FNIP2: variants seen among roughly 807,000 people sequenced by gnomAD.
The protein encoded by FNIP2 is folliculin-interacting protein 2.
Under a neutral mutation model 108.7 loss-of-function variants are expected in FNIP2, and 32 were observed. The ratio of observed to expected loss-of-function variants is 0.29; its 90% CI spans 0.22 to 0.40. FNIP2 has a LOEUF of 0.40. FNIP2 is among the 10% of genes least tolerant of loss of function. The pLI is 1.00. For synonymous variants in FNIP2, 480 were observed against 496.7 expected (o/e 0.97, Z 0.45); for missense variants, 1,202 against 1,381.6 (o/e 0.87, Z 2.06).
intron 1 of FNIP2, among the ~76,000 whole-genome samples, chr4:158,800,285 C>A (rs1381676329): frequency 6.6e-6 from 1 of 152,144 alleles, no homozygotes; most frequent in African/African-American, 2.4e-5. Flanking sequence ...CTTGATACTA[C>A]ACAAAGTTTC....
chr4:158,891,734 T>G (rs899799877), intron 15 of FNIP2, 88 bp downstream of exon 15: 1 of 1,261,720 alleles, frequency 7.9e-7, no homozygotes, highest in South Asian at 1.4e-5. Context: ...AATTCAAAAG[T>G]ACTGTTTTAA....
At chr4:158,823,990 G>A (rs1029395120) in intron 1 of FNIP2, among the ~76,000 whole-genome samples, 2 of 152,182 alleles carry the variant, frequency 1.3e-5, no homozygotes, top group Non-Finnish European at 2.9e-5. Context: ...TTGAAAGAAG[G>A]TACAACCAGA....
chr4:158,811,190 C>T (rs1189560843), intron 1 of FNIP2, among the ~76,000 whole-genome samples: 1 of 152,158 alleles, frequency 6.6e-6, no homozygotes, highest in Non-Finnish European at 1.5e-5. Flanking sequence ...ATCAGGTGTA[C>T]ACCCATCCAT....
At chr4:158,904,444 C>A in intron 16 of FNIP2, 22 bp from the exon 17 acceptor site, 1 of 1,586,440 alleles carries the variant, frequency 6.3e-7, no homozygotes. Context: ...AAGTAATATT[C>A]TTTTCTTTTC....
intron 14 of FNIP2, chr4:158,871,977 A>C (rs1780978754): frequency 1.0e-6 from 1 of 983,764 alleles, no homozygotes; most frequent in South Asian, 4.7e-5. Context: ...CCTATTGTTT[A>C]TATTCACACA....
chr4:158,774,983 A>C (rs1013900650), intron 1 of FNIP2, among the ~76,000 whole-genome samples: 1 of 152,242 alleles, frequency 6.6e-6, no homozygotes, highest in Non-Finnish European at 1.5e-5. Context: ...TGCATGGAGT[A>C]TATAGCTCCA....
intron 2 of FNIP2, among the ~76,000 whole-genome samples, chr4:158,826,501 AG>A (rs1778163990): frequency 6.6e-6 from 1 of 152,272 alleles, no homozygotes; most frequent in Non-Finnish European, 1.5e-5. Flanking sequence ...GCTTATTTAC[AG>A]GACTTCCATA....
At chr4:158,859,966 A>G (rs1299307378) in intron 10 of FNIP2, among the ~76,000 whole-genome samples, 2 of 152,196 alleles carry the variant, frequency 1.3e-5, no homozygotes, top group Admixed American at 6.5e-5. Flanking sequence ...CAGCCTCACA[A>G]AAGCCCTAAG....
chr4:158,808,182 A>G (rs1777076690), intron 1 of FNIP2, among the ~76,000 whole-genome samples: 1 of 152,088 alleles, frequency 6.6e-6, no homozygotes, highest in African/African-American at 2.4e-5. Flanking sequence ...GGCCTTCTGT[A>G]TTCCGTATTT....
At chr4:158,882,364 C>T (rs1317488617) in intron 14 of FNIP2, among the ~76,000 whole-genome samples, 13 of 150,902 alleles carry the variant, frequency 8.6e-5, no homozygotes, top group Non-Finnish European at 1.6e-4. Flanking sequence ...CCAGCCGCCC[C>T]GTCCGGGAGG....
Position 158,861,879 on chromosome 4 carries a change from G to A in FNIP2, c.1465+103G>A. On this transcript the variant is annotated intron_variant, in intron 12 of 16. Transcript: ENST00000264433. ...GGCTCTCTCACCCAGTAATTCATAGGTTGTCTTTGGGCAGATGAGGAATAG... is the reference window on the plus strand; with the variant it reads ...GGCTCTCTCACCCAGTAATTCATAGATTGTCTTTGGGCAGATGAGGAATAG... 3.7e-6 allele frequency: 5 copies of A among 1,352,594 alleles called. No individual in the cohort carries two copies. In the South Asian group the frequency reaches 6.6e-5, roughly 18 times the overall value. 83.8% of individuals were successfully genotyped at this position (1,352,594 alleles called of 1,614,324 possible).
At chr4:158,801,671 C>G (rs545234130) in intron 1 of FNIP2, among the ~76,000 whole-genome samples, 1 of 152,308 alleles carries the variant, frequency 6.6e-6, no homozygotes, top group African/African-American at 2.4e-5. Flanking sequence ...TAGAACGATG[C>G]TTGGCACATA....
intron 1 of FNIP2, among the ~76,000 whole-genome samples, chr4:158,770,560 T>TGA (rs1775662574): frequency 1.3e-5 from 2 of 152,204 alleles, no homozygotes; most frequent in African/African-American, 4.8e-5. Flanking sequence ...AACGTGTGTG[T>TGA]GTGTGTGCAC....
Position 158,907,529 on chromosome 4 carries a change from T to G in FNIP2, c.*2985T>G, listed in dbSNP as rs1729943959. 1.3e-5 allele frequency: 2 copies of G among 152,220 alleles called. No homozygotes were observed. The highest frequency in any genetic ancestry group is 4.8e-5 in the African/African-American group (2 of 41,454). 9.4% of individuals were successfully genotyped at this position (152,220 alleles called of 1,614,324 possible). A position where few individuals can be genotyped will look rare whatever the true frequency, so the allele number is the denominator to read the frequency against. ...TTTATAAAAATTTAGTCTGTAGCTT[T>G]TTAGGTTCTTCACTAGAGTTGGTTG... On this transcript the variant is annotated 3_prime_UTR_variant, in exon 17 of 17. Coordinates refer to ENST00000264433, the MANE Select transcript of FNIP2 (RefSeq NM_020840.3).
At chr4:158,769,350 C>G (rs1775613986) in intron 1 of FNIP2, 31 bp downstream of exon 1, 1 of 1,436,604 alleles carries the variant, frequency 7.0e-7, no homozygotes, top group Non-Finnish European at 9.2e-7. Context: ...AATTCTGGCG[C>G]GGGACCCGAG....
chr4:158,873,907 C>T lies in FNIP2; in HGVS notation c.2949+3438C>T, dbSNP rs573371983. On this transcript the variant is annotated intron_variant, in intron 14 of 16. Coordinates refer to ENST00000264433, the MANE Select transcript of FNIP2 (RefSeq NM_020840.3). ...TAAATGGAAAGAGAGCAGGCGTATG[C>T]GCCAGCAGCATTCTATGCCTGTGAC... 5.3e-5 allele frequency among the ~76,000 whole-genome samples: 8 copies of T among 152,344 alleles called. No individual in the cohort carries two copies. The South Asian group carries it at 1.7e-3, about 32-fold the overall frequency.
At chr4:158,831,570 G>A (rs1484030397) in intron 3 of FNIP2, among the ~76,000 whole-genome samples, 1 of 152,092 alleles carries the variant, frequency 6.6e-6, no homozygotes, top group Admixed American at 6.6e-5. Context: ...TATAAATGGA[G>A]ATAATAGTAA....
At chr4:158,895,626 G>C (rs1277634186) in intron 15 of FNIP2, 124 bp from the exon 16 acceptor site, 2 of 631,290 alleles carry the variant, frequency 3.2e-6, no homozygotes, top group Non-Finnish European at 5.7e-6. Flanking sequence ...GATTTTTTAA[G>C]TGTATTTGAA....
At chr4:158,900,353 AGGTCTGCT>A (rs931731970) in intron 16 of FNIP2, among the ~76,000 whole-genome samples, 74 of 152,318 alleles carry the variant, frequency 4.9e-4, no homozygotes, top group African/African-American at 1.8e-3. Flanking sequence ...GATGTCTATT[AGGTCTGCT>A]TGGTCCAGAG....
Sources: allele counts gnomAD v4.1 joint callset (sites outside exome capture counted in the v4.1 genomes callset), GRCh38; gene constraint gnomAD v4.1.1; transcripts MANE v1.5; gene names NCBI Gene and HGNC (gene_info 2026-07-23, HGNC 2026-07-21).